Variants in ROCK1 observed in about 807,000 individuals in gnomAD.
The protein encoded by ROCK1 is Rho associated coiled-coil containing protein kinase 1, also known as rho-associated protein kinase 1.
In ROCK1, 36 loss-of-function variants were observed where a neutral mutation model predicts 196.8. The ratio of observed to expected loss-of-function variants is 0.18; its 90% confidence interval spans 0.14 to 0.24. The LOEUF (loss-of-function observed/expected upper bound fraction) is 0.24, where lower values mean the gene tolerates loss of function less well. Among genes scored for constraint, ROCK1 ranks in the 10% least tolerant of loss-of-function variants. The pLI is 1.00. For synonymous variants in ROCK1, 443 were observed against 515.9 expected (o/e 0.86, Z 1.91); for missense variants, 920 against 1,562.0 (o/e 0.59, Z 6.93).
intron 22 of ROCK1, among the ~76,000 whole-genome samples, chr18:20,976,345 A>G (rs897496701): frequency 1.3e-5 from 2 of 152,192 alleles, no homozygotes; most frequent in African/African-American, 4.8e-5. Context: ...GTATATTTCA[A>G]ATGCCTAGAA....
intron 4 of ROCK1, among the ~76,000 whole-genome samples, chr18:21,047,576 G>A (rs1490919299): frequency 2.0e-5 from 3 of 152,094 alleles, no homozygotes; most frequent in South Asian, 2.1e-4. Flanking sequence ...GGCGGATCAC[G>A]AGGTCAGGAG....
At chr18:21,054,946 C>T (rs2036234366) in intron 2 of ROCK1, among the ~76,000 whole-genome samples, 1 of 152,152 alleles carries the variant, frequency 6.6e-6, no homozygotes, top group Admixed American at 6.6e-5. Flanking sequence ...CATCTTAACT[C>T]CAACAACCCC....
At chr18:21,022,110 C>T (rs2035918082) in intron 11 of ROCK1, among the ~76,000 whole-genome samples, 1 of 151,182 alleles carries the variant, frequency 6.6e-6, no homozygotes, top group Admixed American at 6.6e-5. Context: ...CTACCTCTTC[C>T]TCTCCTCTGT....
chr18:20,955,690 TA>T (rs774614677), intron 29 of ROCK1, among the ~76,000 whole-genome samples: 5 of 148,280 alleles, frequency 3.4e-5, no homozygotes, highest in Non-Finnish European at 5.9e-5. Flanking sequence ...TTATTCATAA[TA>T]ACCAAAACCT....
chr18:21,006,448 C>T lies in ROCK1; in HGVS notation c.1788G>A (p.Lys596=). 6.2e-7 allele frequency: 1 copy of T among 1,613,686 alleles called. No individual in the cohort carries two copies. Among genetic ancestry groups the T allele is most frequent in the Admixed American group, 1.7e-5 (1 of 60,018 alleles). The change falls in exon 16 of 33, where the codon AAG becomes AAA. Residue 596 remains lysine (K), a synonymous_variant. Transcript: ENST00000399799. ...QERNRILENS[K]SQTDKDYYQL... is the part of the protein sequence containing the mutation. ...GGTAATAATCTTTGTCTGTTTGTGA[C>T]TTAGAATTCTCTAAAATTCGATTTC...
intron 9 of ROCK1, among the ~76,000 whole-genome samples, chr18:21,038,518 C>A (rs1382904982): frequency 1.3e-5 from 2 of 152,132 alleles, no homozygotes; most frequent in African/African-American, 4.8e-5. Context: ...GAATGCTTCA[C>A]TAATATTAGC....
chr18:21,075,103 C>A (rs1226190532), intron 1 of ROCK1, among the ~76,000 whole-genome samples: 1 of 152,150 alleles, frequency 6.6e-6, no homozygotes, highest in Non-Finnish European at 1.5e-5. Flanking sequence ...TAATTTGGAA[C>A]CACAGGAATT....
intron 4 of ROCK1, among the ~76,000 whole-genome samples, chr18:21,046,004 A>G (rs1014948754): frequency 7.4e-6 from 1 of 135,520 alleles, no homozygotes. Flanking sequence ...TCCGCCTCCC[A>G]GGTTCACGCC....
rs1568367503 is a variant in ROCK1, at chr18:20,959,130, T to TA, written c.3512+709_3512+710insT. Among the ~76,000 whole-genome samples the TA allele has an allele frequency of 7.1e-4, 36 of 50,436 alleles. 3 individuals carry two copies. The highest frequency in any genetic ancestry group is 5.7e-3 in the African/African-American group (33 of 5,772). 33.1% of individuals were successfully genotyped at this position (50,436 alleles called of 152,430 possible). On this transcript the variant is annotated intron_variant, in intron 29 of 32. Coordinates refer to ENST00000399799, the MANE Select transcript of ROCK1 (RefSeq NM_005406.3). ...ATATATATATTATATAATATATATATTATATATATTATATAAAATATATAT... is the reference window on the plus strand; with the variant it reads ...ATATATATATTATATAATATATATATATATATATATTATATAAAATATATAT...
intron 1 of ROCK1, among the ~76,000 whole-genome samples, chr18:21,102,916 C>A (rs1039726892): frequency 1.3e-5 from 2 of 151,742 alleles, no homozygotes; most frequent in African/African-American, 4.8e-5. Context: ...TTTTCAATTT[C>A]TTGCCAAAAA....
chr18:21,069,399 T>C (rs965222009), intron 2 of ROCK1, among the ~76,000 whole-genome samples: 1 of 152,076 alleles, frequency 6.6e-6, no homozygotes, highest in Non-Finnish European at 1.5e-5. Context: ...TTAAAATAAA[T>C]TGTACAGGTT....
chr18:20,959,184 T>A (rs1217873498), intron 29 of ROCK1, among the ~76,000 whole-genome samples: 3 of 65,932 alleles, frequency 4.6e-5, no homozygotes, highest in South Asian at 4.2e-4. Context: ...TATATAATAT[T>A]ATATATAATA....
intron 1 of ROCK1, among the ~76,000 whole-genome samples, chr18:21,098,966 C>A (rs1249117533): frequency 2.0e-5 from 3 of 152,148 alleles, no homozygotes; most frequent in African/African-American, 4.8e-5. Flanking sequence ...AACAGACAAT[C>A]CCATATCATT....
At chr18:20,961,493 AAAG>A (rs978510477) in intron 27 of ROCK1, among the ~76,000 whole-genome samples, 16 of 152,150 alleles carry the variant, frequency 1.1e-4, no homozygotes, top group Non-Finnish European at 2.1e-4. Context: ...TTCACTTACA[AAAG>A]AAGAGACTAA....
intron 10 of ROCK1, among the ~76,000 whole-genome samples, chr18:21,028,420 A>AAAAAC (rs772586765): frequency 3.3e-5 from 5 of 152,066 alleles, no homozygotes; most frequent in Admixed American, 1.3e-4. Flanking sequence ...CATCGTGGAA[A>AAAAAC]AAAACAAAAC....
intron 13 of ROCK1, among the ~76,000 whole-genome samples, chr18:21,015,191 A>C (rs2035852743): frequency 6.6e-6 from 1 of 152,118 alleles, no homozygotes; most frequent in Non-Finnish European, 1.5e-5. Context: ...GAACCACTGA[A>C]CTGAAATTTA....
At chr18:21,050,860 A>T (rs941416657) in intron 2 of ROCK1, among the ~76,000 whole-genome samples, 1 of 152,242 alleles carries the variant, frequency 6.6e-6, no homozygotes, top group African/African-American at 2.4e-5. Context: ...AATTCGCTGC[A>T]CAAATATTTC....
intron 21 of ROCK1, among the ~76,000 whole-genome samples, chr18:20,980,961 T>C (rs1355605226): frequency 6.7e-6 from 1 of 150,124 alleles, no homozygotes; most frequent in East Asian, 2.0e-4. Context: ...AAGTGTATTA[T>C]AGATTTGGGA....
chr18:21,055,207 T>C (rs2036236831), intron 2 of ROCK1, among the ~76,000 whole-genome samples: 1 of 152,194 alleles, frequency 6.6e-6, no homozygotes, highest in East Asian at 1.9e-4. Flanking sequence ...CAGTTGAATA[T>C]GTCTCAATAA....
Sources: gnomAD v4.1 joint callset for allele counts (sites outside exome capture counted in the v4.1 genomes callset) on GRCh38, gnomAD v4.1.1 for gene constraint, MANE v1.5 for transcripts, NCBI Gene and HGNC (gene_info 2026-07-23, HGNC 2026-07-21) for gene names.